The following FAM135B variants were observed in gnomAD, a reference collection of about 807,000 sequenced individuals.
FAM135B encodes the protein family with sequence similarity 135 member B, also known as protein FAM135B.
In FAM135B, 43 loss-of-function variants were observed where a neutral mutation model predicts 127.7. The observed-to-expected ratio is 0.34, with a 90% CI of 0.26 to 0.43. FAM135B has a LOEUF of 0.43. Ranked by LOEUF, FAM135B falls within the 20% of genes least tolerant of loss-of-function variation. The pLI is 1.00. For synonymous variants in FAM135B, 670 were observed against 665.1 expected, an observed-to-expected ratio of 1.01 and a Z score of -0.11; for missense variants, 1,558 against 1,725.6, an observed-to-expected ratio of 0.90 and a Z score of 1.72.
chr8:138,201,681 A>G (rs1375792356), intron 7 of FAM135B, among the ~76,000 whole-genome samples: 1 of 152,168 alleles, frequency 6.6e-6, no homozygotes, highest in Non-Finnish European at 1.5e-5. Context: ...AAGCAGTAAC[A>G]TTTTAGCAAC....
intron 7 of FAM135B, among the ~76,000 whole-genome samples, chr8:138,210,668 C>T (rs1056728126): frequency 2.6e-5 from 4 of 152,098 alleles, no homozygotes; most frequent in Non-Finnish European, 5.9e-5. Flanking sequence ...AATCCATCCC[C>T]ATGATCCAAT....
At chr8:138,441,727 T>C (rs952924279) in intron 1 of FAM135B, 1 of 152,034 alleles carries the variant, frequency 6.6e-6, no homozygotes, top group African/African-American at 2.4e-5. Flanking sequence ...TTCTCTGCTT[T>C]TTTTTTTTCC....
chr8:138,203,458 C>T (rs1817305429), intron 7 of FAM135B, among the ~76,000 whole-genome samples: 1 of 152,198 alleles, frequency 6.6e-6, no homozygotes, highest in African/African-American at 2.4e-5. Flanking sequence ...ATCTCTGCCC[C>T]AGGTTGAGCT....
At chr8:138,359,673 T>C (rs1180896185) in intron 2 of FAM135B, among the ~76,000 whole-genome samples, 3 of 152,188 alleles carry the variant, frequency 2.0e-5, no homozygotes, top group African/African-American at 4.8e-5. Flanking sequence ...AAAAAGATTG[T>C]TTCTGACAGA....
At chr8:138,414,467 C>A (rs1015491673) in intron 1 of FAM135B, among the ~76,000 whole-genome samples, 5 of 151,922 alleles carry the variant, frequency 3.3e-5, no homozygotes, top group Non-Finnish European at 7.4e-5. Context: ...CCCGAAACAC[C>A]CCCCAAAAGA....
intron 1 of FAM135B, among the ~76,000 whole-genome samples, chr8:138,405,115 T>C (rs1833388718): frequency 6.6e-6 from 1 of 152,138 alleles, no homozygotes; most frequent in South Asian, 2.1e-4. Context: ...GGTTTCAGAA[T>C]TGATGTTGTG....
intron 1 of FAM135B, among the ~76,000 whole-genome samples, chr8:138,415,772 T>C (rs1834109716): frequency 6.6e-6 from 1 of 152,196 alleles, no homozygotes; most frequent in South Asian, 2.1e-4. Flanking sequence ...CTCTCCAGCA[T>C]CTGAGAATGA....
chr8:138,473,051 A>G (rs1837774638), intron 1 of FAM135B, among the ~76,000 whole-genome samples: 1 of 152,160 alleles, frequency 6.6e-6, no homozygotes, highest in East Asian at 1.9e-4. Flanking sequence ...AAAAATAGGA[A>G]TAAACTGAGA....
At chr8:138,248,074 A>G (rs1326809946) in intron 6 of FAM135B, among the ~76,000 whole-genome samples, 1 of 152,180 alleles carries the variant, frequency 6.6e-6, no homozygotes, top group African/African-American at 2.4e-5. Flanking sequence ...GGAGGTGCTA[A>G]ATAAAAATCG....
At position 138,376,150 on chromosome 8, in the gene FAM135B, C is replaced by T. The variant is rs535567070; in HGVS notation, c.-19-8148G>A. ...TAGAGACAGGGTTTCACTGTGTTGG[C>T]CAGGCTGGTCTCGAACTCCTGACCC... On this transcript the variant is annotated intron_variant, in intron 1 of 19. Transcript: ENST00000395297. Among the ~76,000 whole-genome samples, 3 of 152,160 alleles carry T rather than the reference C, an allele frequency of 2.0e-5. No individual in the cohort carries two copies. In the East Asian group the frequency reaches 5.8e-4, roughly 29 times the overall value.
chr8:138,402,504 C>T (rs1833209043), intron 1 of FAM135B, among the ~76,000 whole-genome samples: 2 of 152,182 alleles, frequency 1.3e-5, no homozygotes, highest in Admixed American at 1.3e-4. Context: ...CCATTATAAA[C>T]AACATAGCCA....
rs2130740724 is a variant in FAM135B, at chr8:138,151,730, C to T, written c.2745G>A (p.Gln915=). Residue 915 remains glutamine (Q), a synonymous_variant, in exon 13 of 20, where the codon CAG becomes CAA. Coordinates refer to ENST00000395297, the MANE Select transcript of FAM135B (RefSeq NM_015912.4). Reference sequence around the variant, plus strand: ...AGATGCCACTGTTGGAAAGAGCTTGCTGACCCACATTCAAGTCTTTAGGCA... The same window carrying T: ...AGATGCCACTGTTGGAAAGAGCTTGTTGACCCACATTCAAGTCTTTAGGCA... The part of the protein sequence containing the change: ...KGMPKDLNVG[Q]QALSNSGISE... 1 of 1,614,162 alleles carries T rather than the reference C, an allele frequency of 6.2e-7. No individual in the cohort carries two copies. Among genetic ancestry groups the T allele is most frequent in the Non-Finnish European group, 8.5e-7 (1 of 1,180,036 alleles).
At chr8:138,354,809 A>T (rs1829990261) in intron 2 of FAM135B, among the ~76,000 whole-genome samples, 1 of 152,138 alleles carries the variant, frequency 6.6e-6, no homozygotes, top group Non-Finnish European at 1.5e-5. Flanking sequence ...GAAACATCAC[A>T]CATTCCTTTT....
chr8:138,323,691 C>T (rs962007776), intron 2 of FAM135B, among the ~76,000 whole-genome samples: 1 of 152,182 alleles, frequency 6.6e-6, no homozygotes, highest in Non-Finnish European at 1.5e-5. Flanking sequence ...GCCAAATACA[C>T]TTCTTACTGT....
At chr8:138,461,031 C>T (rs192962505) in intron 1 of FAM135B, among the ~76,000 whole-genome samples, 21 of 152,188 alleles carry the variant, frequency 1.4e-4, no homozygotes, top group South Asian at 2.1e-4. Flanking sequence ...CAAAGGGAAC[C>T]GGTGAGATAA....
chr8:138,415,552 G>A (rs1454474768), intron 1 of FAM135B, among the ~76,000 whole-genome samples: 1 of 152,182 alleles, frequency 6.6e-6, no homozygotes, highest in Non-Finnish European at 1.5e-5. Flanking sequence ...ACACAGCGAA[G>A]TAGCATCAGA....
chr8:138,423,339 G>A (rs897560716), intron 1 of FAM135B, among the ~76,000 whole-genome samples: 5 of 152,072 alleles, frequency 3.3e-5, no homozygotes, highest in Non-Finnish European at 1.5e-5. Context: ...GCCAGATATC[G>A]GGCGAAATTC....
At chr8:138,162,402 T>C (rs1022458381) in intron 12 of FAM135B, among the ~76,000 whole-genome samples, 1 of 152,088 alleles carries the variant, frequency 6.6e-6, no homozygotes, top group African/African-American at 2.4e-5. Flanking sequence ...TCCAAACCCA[T>C]ATAGAATGTG....
intron 17 of FAM135B, among the ~76,000 whole-genome samples, chr8:138,139,321 A>C (rs1816925984): frequency 6.6e-6 from 1 of 152,236 alleles, no homozygotes; most frequent in African/African-American, 2.4e-5. Context: ...ACAGGACAAC[A>C]GCCTTCGGAG....
Sources: allele counts gnomAD v4.1 joint callset (sites outside exome capture counted in the v4.1 genomes callset), GRCh38; gene constraint gnomAD v4.1.1; transcripts MANE v1.5; gene names NCBI Gene and HGNC (gene_info 2026-07-23, HGNC 2026-07-21).